Variants in AAK1 observed in about 807,000 individuals in gnomAD.
AAK1 encodes AP2-associated protein kinase 1.
In AAK1, 37 loss-of-function variants were observed where a neutral mutation model predicts 116.0. The ratio of observed to expected loss-of-function variants is 0.32; its 90% CI spans 0.25 to 0.42. The LOEUF (loss-of-function observed/expected upper bound fraction) is 0.42. Ranked by LOEUF, AAK1 falls within the 10% of genes least tolerant of loss-of-function variation. The pLI is 1.00. For missense variants in AAK1, 919 were observed against 1,170.6 expected, an observed-to-expected ratio of 0.79 and a Z score of 3.14; for synonymous variants, 458 against 439.9, an observed-to-expected ratio of 1.04 and a Z score of -0.51.
intron 2 of AAK1, among the ~76,000 whole-genome samples, chr2:69,604,458 C>G (rs971762091): frequency 2.0e-5 from 3 of 152,186 alleles, no homozygotes; most frequent in African/African-American, 7.2e-5. Context: ...CTCTCCTCCT[C>G]TAGGGCACGA....
At chr2:69,542,886 T>C (rs1670778419) in intron 4 of AAK1, among the ~76,000 whole-genome samples, 1 of 152,174 alleles carries the variant, frequency 6.6e-6, no homozygotes, top group Non-Finnish European at 1.5e-5. Flanking sequence ...ACAGTTTCTT[T>C]ATTTTATAAA....
chr2:69,465,573 G>A lies in AAK1; in HGVS notation c.*10296C>T. ...GGTTTGTGAAACAATTTTGTAGGCA[G>A]CAATGGGCTGGGCTTCTGGACTTGG... On this transcript the variant is annotated 3_prime_UTR_variant, in exon 22 of 22. Transcript: ENST00000409085. 1.6e-5 allele frequency: 21 copies of A among 1,291,012 alleles called. No homozygotes were observed. Among genetic ancestry groups the A allele is most frequent in the Admixed American group, 2.3e-5 (1 of 43,574 alleles). The allele number at this position is 1,291,012 out of a possible 1,614,324, so 80.0% of individuals were successfully genotyped here. A position where few individuals can be genotyped will look rare whatever the true frequency, so the allele number is the denominator to read the frequency against.
intron 2 of AAK1, among the ~76,000 whole-genome samples, chr2:69,631,586 T>G (rs995051147): frequency 6.6e-6 from 1 of 152,238 alleles, no homozygotes; most frequent in Admixed American, 6.5e-5. Flanking sequence ...ACAGCAGACC[T>G]CAAATGAAAC....
Position 69,473,492 on chromosome 2 carries a change from C to G in AAK1, c.*2377G>C, listed in dbSNP as rs912870338. On this transcript the variant is annotated 3_prime_UTR_variant, in exon 22 of 22. Transcript: ENST00000409085. ...GGCCTTACTCTAAATAAGCCCAAGA[C>G]AATTTCTTGTCATTATCTCCCTTAG... The G allele has an allele frequency of 1.8e-5, 18 of 985,314 alleles. No homozygotes were observed. Among genetic ancestry groups the G allele is most frequent in the Non-Finnish European group, 2.0e-5 (17 of 829,938 alleles). The allele number at this position is 985,314 out of a possible 1,614,324, so 61.0% of individuals were successfully genotyped here.
chr2:69,507,806 A>C lies in AAK1; in HGVS notation c.2007-228T>G, dbSNP rs143356029. 1.6e-3 allele frequency among the ~76,000 whole-genome samples: 241 copies of C among 151,868 alleles called. 1 individual carries two copies. In the South Asian group the frequency reaches 0.02, roughly 13 times the overall value. On this transcript the variant is annotated intron_variant, in intron 14 of 21. Transcript: ENST00000409085. ...ACTGCAACCTCCGTCTCCCAGGTTC[A>C]AGCGATTCTCCTGCCTCAGCCTCCC... is the stretch of plus-strand genomic sequence containing the variant.
At position 69,465,484 on chromosome 2, in the gene AAK1, G is replaced by A; in HGVS notation, c.*10385C>T. The A allele has an allele frequency of 7.7e-7, 1 of 1,290,942 alleles. No individual in the cohort carries two copies. The highest frequency in any genetic ancestry group is 1.0e-6 in the Non-Finnish European group (1 of 988,892). 80.0% of individuals were successfully genotyped at this position (1,290,942 alleles called of 1,614,324 possible). A position where few individuals can be genotyped will look rare whatever the true frequency, so the allele number is the denominator to read the frequency against. On this transcript the variant is annotated 3_prime_UTR_variant, in exon 22 of 22. Coordinates refer to ENST00000409085, the MANE Select transcript of AAK1 (RefSeq NM_014911.5). ...GCTAGAGCAAATGGATCAGCAGCTG[G>A]CAGCTCCGTAGTCCTGGAGGAAAGG...
At chr2:69,572,443 C>A (rs995616479) in intron 2 of AAK1, among the ~76,000 whole-genome samples, 26 of 151,854 alleles carry the variant, frequency 1.7e-4, no homozygotes, top group African/African-American at 6.0e-4. Flanking sequence ...CATGGAGAAA[C>A]CCCTGTCTCT....
chr2:69,571,945 C>CA (rs1672108704), intron 2 of AAK1, among the ~76,000 whole-genome samples: 1 of 152,184 alleles, frequency 6.6e-6, no homozygotes, highest in Non-Finnish European at 1.5e-5. Context: ...AGAAAGCAAT[C>CA]ACAGAGAAGA....
At chr2:69,487,704 A>G (rs546194511) in intron 17 of AAK1, among the ~76,000 whole-genome samples, 63 of 152,046 alleles carry the variant, frequency 4.1e-4, no homozygotes, top group Non-Finnish European at 8.2e-4. Context: ...TAATCTTCCT[A>G]TGAAATGTTT....
intron 12 of AAK1, among the ~76,000 whole-genome samples, chr2:69,516,226 G>GT (rs1347425704): frequency 6.6e-6 from 1 of 150,972 alleles, no homozygotes; most frequent in African/African-American, 2.4e-5. Flanking sequence ...ATCTTAAACT[G>GT]TTTTCAGTAA....
chr2:69,612,125 C>A (rs1006285022), intron 2 of AAK1, among the ~76,000 whole-genome samples: 2 of 152,010 alleles, frequency 1.3e-5, no homozygotes, highest in African/African-American at 4.8e-5. Context: ...TGCACATGTA[C>A]CCTAGAACTT....
intron 2 of AAK1, among the ~76,000 whole-genome samples, chr2:69,628,188 G>A (rs948030136): frequency 6.6e-6 from 1 of 152,116 alleles, no homozygotes; most frequent in Non-Finnish European, 1.5e-5. Context: ...GCTCACGCCT[G>A]TAATCCTGGC....
intron 13 of AAK1, among the ~76,000 whole-genome samples, chr2:69,514,101 C>G (rs1676491139): frequency 6.6e-6 from 1 of 152,178 alleles, no homozygotes; most frequent in African/African-American, 2.4e-5. Context: ...CTGGAAAGGG[C>G]ACAATGGATC....
Position 69,472,022 on chromosome 2 carries a change from A to G in AAK1, c.*3847T>C, listed in dbSNP as rs1674698850. On this transcript the variant is annotated 3_prime_UTR_variant, in exon 22 of 22. Coordinates refer to ENST00000409085, the MANE Select transcript of AAK1 (RefSeq NM_014911.5). ...GAAGAGCGAAGTCCAATATCAAATA[A>G]CACTGAACAAAGTGACAACTTCTTT... The G allele has an allele frequency of 1.0e-6, 1 of 985,272 alleles. No individual in the cohort carries two copies. The highest frequency in any genetic ancestry group is 1.7e-5 in the African/African-American group (1 of 57,228). The allele number at this position is 985,272 out of a possible 1,614,324, so 61.0% of individuals were successfully genotyped here. A position where few individuals can be genotyped will look rare whatever the true frequency, so the allele number is the denominator to read the frequency against.
At position 69,520,858 on chromosome 2, in the gene AAK1, C is replaced by G. The variant is rs758157065; in HGVS notation, c.1186G>C (p.Val396Leu). ...CCTGCAGCCTGAGGTGGGGGCTGAA[C>G]AGTGGCCCTCTTCCGGGGTGTCAGC... ...PALTPRKRATVQPPPQAAGSS... is the reference protein window; with the variant it reads ...PALTPRKRATLQPPPQAAGSS... Residue 396 changes from valine to leucine, a missense_variant, in exon 11 of 22, where the codon GTT (valine) becomes CTT (leucine). By Grantham distance (32) the Val-to-Leu change is conservative. Transcript: ENST00000409085. The G allele has an allele frequency of 6.3e-7, 1 of 1,580,416 alleles. No homozygotes were observed.
chr2:69,533,084 C>A (rs1670323197), intron 5 of AAK1, among the ~76,000 whole-genome samples: 1 of 152,080 alleles, frequency 6.6e-6, no homozygotes, highest in South Asian at 2.1e-4. Flanking sequence ...TCTTGTTAGG[C>A]CATTAAGACT....
At chr2:69,637,008 ATAATT>A (rs985514975) in intron 2 of AAK1, among the ~76,000 whole-genome samples, 3 of 152,118 alleles carry the variant, frequency 2.0e-5, no homozygotes, top group Non-Finnish European at 4.4e-5. Flanking sequence ...CCTATTTTAG[ATAATT>A]TAAATAGCCA....
intron 2 of AAK1, among the ~76,000 whole-genome samples, chr2:69,608,624 T>C (rs961600133): frequency 2.0e-5 from 3 of 152,182 alleles, no homozygotes; most frequent in Non-Finnish European, 4.4e-5. Context: ...AATTGAAGAC[T>C]ATACAATCAA....
chr2:69,502,349 C>T (rs1013192750), intron 16 of AAK1, among the ~76,000 whole-genome samples: 67 of 151,584 alleles, frequency 4.4e-4, no homozygotes, highest in African/African-American at 1.6e-3. Context: ...TGGCTGGGTG[C>T]GGTGGCTCAC....
Sources: allele counts gnomAD v4.1 joint callset (sites outside exome capture counted in the v4.1 genomes callset), GRCh38; gene constraint gnomAD v4.1.1; transcripts MANE v1.5; gene names NCBI Gene and HGNC (gene_info 2026-07-23, HGNC 2026-07-21).